Variants in RAB10 observed in about 807,000 individuals in gnomAD.
The protein encoded by RAB10 is ras-related protein Rab-10.
In RAB10, 5 loss-of-function variants were observed where a neutral mutation model predicts 25.7. The observed-to-expected ratio is 0.19, with a 90% confidence interval of 0.10 to 0.41. RAB10 has a LOEUF of 0.41. Among genes scored for constraint, RAB10 ranks in the 10% least tolerant of loss-of-function variants. The pLI is 1.00. For synonymous variants in RAB10, 89 were observed against 86.4 expected (o/e 1.03, Z -0.16); for missense variants, 103 against 245.8 (o/e 0.42, Z 3.89).
At chr2:26,042,087 C>G (rs1305615572) in intron 1 of RAB10, among the ~76,000 whole-genome samples, 1 of 152,118 alleles carries the variant, frequency 6.6e-6, no homozygotes, top group Non-Finnish European at 1.5e-5. Flanking sequence ...CCCCAAAGCA[C>G]AAGCTTTTAG....
intron 3 of RAB10, among the ~76,000 whole-genome samples, chr2:26,111,018 T>C (rs1363942781): frequency 2.6e-5 from 4 of 152,356 alleles, no homozygotes; most frequent in African/African-American, 9.6e-5. Flanking sequence ...ATGTTACTTT[T>C]TATAAGTTAA....
At chr2:26,062,996 TC>T (rs1666439933) in intron 1 of RAB10, among the ~76,000 whole-genome samples, 1 of 151,570 alleles carries the variant, frequency 6.6e-6, no homozygotes, top group African/African-American at 2.4e-5. Context: ...GCGCCTATAA[TC>T]CCGGCTGCTC....
Position 26,135,094 on chromosome 2 carries a change from C to A in RAB10, c.*73C>A. ...CTTGCTGCAAAATAAACCACTCTGT[C>A]CATTTTTAACTCTAAACAGATATTT... On this transcript the variant is annotated 3_prime_UTR_variant, in exon 6 of 6. Transcript: ENST00000264710. The A allele has an allele frequency of 8.4e-7, 1 of 1,192,414 alleles. No individual in the cohort carries two copies. Among genetic ancestry groups the A allele is most frequent in the Non-Finnish European group, 1.2e-6 (1 of 834,862 alleles). 73.9% of individuals were successfully genotyped at this position (1,192,414 alleles called of 1,614,324 possible).
At chr2:26,102,681 G>T (rs372369748) in intron 2 of RAB10, among the ~76,000 whole-genome samples, 1 of 152,040 alleles carries the variant, frequency 6.6e-6, no homozygotes, top group South Asian at 2.1e-4. Flanking sequence ...CTTGTGATCC[G>T]CCCACCTCGG....
chr2:26,059,412 C>G (rs999011004), intron 1 of RAB10, among the ~76,000 whole-genome samples: 36 of 152,156 alleles, frequency 2.4e-4, no homozygotes, highest in African/African-American at 8.4e-4. Flanking sequence ...AATATAACTT[C>G]TAACATTTAG....
At chr2:26,074,977 T>A (rs1483079276) in intron 1 of RAB10, among the ~76,000 whole-genome samples, 1 of 152,178 alleles carries the variant, frequency 6.6e-6, no homozygotes, top group African/African-American at 2.4e-5. Flanking sequence ...AGCCAAGGAC[T>A]TTTGGGAGGG....
chr2:26,097,388 G>A (rs749953218), intron 1 of RAB10, among the ~76,000 whole-genome samples: 17 of 152,120 alleles, frequency 1.1e-4, no homozygotes, highest in East Asian at 5.9e-4. Flanking sequence ...ATTCTTCTGC[G>A]TCAGCCTCCC....
rs530169919 is a variant in RAB10, at chr2:26,040,668, A to T, written c.127+5933A>T. ...GCGAGACCGTGTATGATAAAACAAA[A>T]ACAGAAAACATCCAGAGGTTTGTAT... On this transcript the variant is annotated intron_variant, in intron 1 of 5. Transcript: ENST00000264710. Among the ~76,000 whole-genome samples the T allele has an allele frequency of 2.4e-3, 369 of 152,238 alleles. 5 individuals are homozygous for T. The highest frequency in any genetic ancestry group is 7.6e-3 in the African/African-American group (316 of 41,544).
chr2:26,060,539 C>T (rs1377621983), intron 1 of RAB10, among the ~76,000 whole-genome samples: 2 of 152,152 alleles, frequency 1.3e-5, no homozygotes, highest in African/African-American at 2.4e-5. Flanking sequence ...CTGCCCGCCT[C>T]GGCCTCCCAA....
intron 1 of RAB10, among the ~76,000 whole-genome samples, chr2:26,053,747 C>T (rs1173596049): frequency 2.0e-5 from 3 of 151,888 alleles, no homozygotes; most frequent in African/African-American, 7.3e-5. Context: ...GAGATGGAGT[C>T]TCACTCTTGT....
chr2:26,038,038 C>T (rs1438414160), intron 1 of RAB10, among the ~76,000 whole-genome samples: 1 of 151,832 alleles, frequency 6.6e-6, no homozygotes, highest in Non-Finnish European at 1.5e-5. Context: ...AGGCATATGC[C>T]ACCACACCTG....
chr2:26,131,867 C>T (rs544235556), intron 5 of RAB10, among the ~76,000 whole-genome samples: 269 of 152,258 alleles, frequency 1.8e-3, no homozygotes, highest in African/African-American at 5.8e-3. Flanking sequence ...ACATGCTATT[C>T]CTTTGATTGT....
At chr2:26,119,086 G>A (rs573870355) in intron 3 of RAB10, among the ~76,000 whole-genome samples, 1 of 152,254 alleles carries the variant, frequency 6.6e-6, no homozygotes, top group Admixed American at 6.5e-5. Context: ...CATGCTTGCT[G>A]CTTATTGTTA....
At chr2:26,118,579 G>A (rs62128391) in intron 3 of RAB10, among the ~76,000 whole-genome samples, 1 of 152,124 alleles carries the variant, frequency 6.6e-6, no homozygotes, top group African/African-American at 2.4e-5. Flanking sequence ...TCCTTTTAAA[G>A]TATTTGTTGT....
At chr2:26,077,153 T>A (rs907525567) in intron 1 of RAB10, among the ~76,000 whole-genome samples, 2 of 152,180 alleles carry the variant, frequency 1.3e-5, no homozygotes, top group Non-Finnish European at 2.9e-5. Flanking sequence ...TCAGACATGA[T>A]TGTGTTTTAC....
intron 3 of RAB10, among the ~76,000 whole-genome samples, chr2:26,116,866 T>TC (rs1210289792): frequency 6.6e-6 from 1 of 151,794 alleles, no homozygotes; most frequent in Non-Finnish European, 1.5e-5. Context: ...TTTTTTTTTT[T>TC]CTTTTTCTTT....
intron 1 of RAB10, among the ~76,000 whole-genome samples, chr2:26,050,304 C>G (rs1241287418): frequency 1.3e-5 from 2 of 152,120 alleles, no homozygotes; most frequent in African/African-American, 4.8e-5. Context: ...AAACATTACT[C>G]CATTGTCTTC....
intron 1 of RAB10, among the ~76,000 whole-genome samples, chr2:26,078,735 T>G (rs1471450776): frequency 6.6e-6 from 1 of 152,100 alleles, no homozygotes. Flanking sequence ...TTGAGGCACA[T>G]CCTAGTCAAG....
chr2:26,069,902 C>T (rs1407378160), intron 1 of RAB10, among the ~76,000 whole-genome samples: 2 of 151,928 alleles, frequency 1.3e-5, no homozygotes, highest in East Asian at 3.9e-4. Flanking sequence ...GATGAGGTTT[C>T]GCCATGGTTG....
Sources: allele counts gnomAD v4.1 joint callset (sites outside exome capture counted in the v4.1 genomes callset), GRCh38; gene constraint gnomAD v4.1.1; transcripts MANE v1.5; gene names NCBI Gene and HGNC (gene_info 2026-07-23, HGNC 2026-07-21).